RBM27: variants seen among roughly 807,000 people sequenced by gnomAD.
RBM27 encodes RNA binding motif protein 27, also known as RNA-binding protein 27.
In RBM27, 22 loss-of-function variants were observed where a neutral mutation model predicts 135.3. The ratio of observed to expected loss-of-function variants is 0.16; its 90% CI spans 0.12 to 0.23. The LOEUF is 0.23. Ranked by LOEUF, RBM27 falls within the 10% of genes least tolerant of loss-of-function variation. The pLI is 1.00. For missense variants in RBM27, 1,009 were observed against 1,281.0 expected (o/e 0.79, Z 3.24); for synonymous variants, 481 against 442.4 (o/e 1.09, Z -1.10).
chr5:146,271,530 C>A lies in RBM27; in HGVS notation c.2844C>A (p.Ser948=), dbSNP rs751864266. ...ILPVGRGKTM[S]SQGRGRGRGR... is the part of the protein sequence containing the mutation. Reference sequence around the variant, plus strand: ...CTGTGGGTCGAGGAAAGACCATGTCCTCTCAAGGTCGAGGAAGAGGCCGAG... The same window carrying A: ...CTGTGGGTCGAGGAAAGACCATGTCATCTCAAGGTCGAGGAAGAGGCCGAG... Residue 948 remains serine (S), a synonymous_variant, in exon 19 of 21, where the codon TCC becomes TCA. Coordinates refer to ENST00000265271, the MANE Select transcript of RBM27 (RefSeq NM_018989.2). 2.5e-6 allele frequency: 4 copies of A among 1,613,686 alleles called. No homozygotes were observed. The Admixed American group carries it at 6.7e-5, about 27-fold the overall frequency.
chr5:146,287,065 G>T lies in RBM27; in HGVS notation c.*1035G>T, dbSNP rs1759613825. ...TCAGTTCAGTATAGTTACACAGAAG[G>T]GTTTAAAAATGTCTGAAATTCTTTT... On this transcript the variant is annotated 3_prime_UTR_variant, in exon 21 of 21. Coordinates refer to ENST00000265271, the MANE Select transcript of RBM27 (RefSeq NM_018989.2). 2 of 140,020 alleles carry T rather than the reference G, an allele frequency of 1.4e-5. No homozygotes were observed. Among genetic ancestry groups the T allele is most frequent in the African/African-American group, 5.2e-5 (2 of 38,158 alleles). 8.7% of individuals were successfully genotyped at this position (140,020 alleles called of 1,614,324 possible).
At position 146,209,896 on chromosome 5, in the gene RBM27, C is replaced by T. The variant is rs568471743; in HGVS notation, c.59+6072C>T. Among the ~76,000 whole-genome samples the T allele has an allele frequency of 2.6e-5, 4 of 152,244 alleles. No individual in the cohort carries two copies. The South Asian group carries it at 8.3e-4, about 32-fold the overall frequency. On this transcript the variant is annotated intron_variant, in intron 1 of 20. Transcript: ENST00000265271. ...CTACTAACTTAAGAACATATTTGTT[C>T]TTATGTCCTTTGGTCTGCCTTTTAA...
rs148763813 is a variant in RBM27 at position 146,247,819 on chromosome 5, T to C, written c.1280-3892T>C. ...TTTCTGTGTTATAAATATTGATTAG[T>C]GTGTAAAGGTGTTTTCATCCTGATC... On this transcript the variant is annotated intron_variant, in intron 8 of 20. Transcript: ENST00000265271. Among the ~76,000 whole-genome samples the C allele has an allele frequency of 7.3e-4, 111 of 152,328 alleles. 1 individual carries two copies. The highest frequency in any genetic ancestry group is 2.7e-3 in the African/African-American group (111 of 41,578).
At chr5:146,282,771 T>C (rs1274593150) in intron 19 of RBM27, among the ~76,000 whole-genome samples, 1 of 152,214 alleles carries the variant, frequency 6.6e-6, no homozygotes, top group Non-Finnish European at 1.5e-5. Context: ...GTGGAATTGC[T>C]GAGTGAACCC....
At chr5:146,272,863 G>C (rs1758930072) in intron 19 of RBM27, among the ~76,000 whole-genome samples, 1 of 152,178 alleles carries the variant, frequency 6.6e-6, no homozygotes, top group East Asian at 1.9e-4. Flanking sequence ...AAAGTGTCCA[G>C]ATTTGAATGT....
intron 8 of RBM27, among the ~76,000 whole-genome samples, chr5:146,238,066 A>G (rs1390610374): frequency 6.6e-6 from 1 of 152,204 alleles, no homozygotes; most frequent in African/African-American, 2.4e-5. Flanking sequence ...TTTCTAAAGC[A>G]TAAGATGTAT....
chr5:146,217,328 A>G (rs1052229292), intron 1 of RBM27, among the ~76,000 whole-genome samples: 5 of 152,066 alleles, frequency 3.3e-5, no homozygotes, highest in Non-Finnish European at 5.9e-5. Context: ...GACAACAAAA[A>G]AAGTTGTGTT....
chr5:146,237,158 C>T (rs1223504184), intron 7 of RBM27, 140 bp from the exon 8 acceptor site: 24 of 903,082 alleles, frequency 2.7e-5, no homozygotes, highest in East Asian at 1.8e-4. Context: ...AGGCTGGTCT[C>T]GAACTCCTGA....
chr5:146,213,726 C>G (rs1030015758), intron 1 of RBM27, among the ~76,000 whole-genome samples: 1 of 152,090 alleles, frequency 6.6e-6, no homozygotes, highest in African/African-American at 2.4e-5. Flanking sequence ...AGCTTATGTA[C>G]TGGCTCAGCA....
Position 146,254,929 on chromosome 5 carries a change from T to A in RBM27, c.1445-14T>A. 1 of 1,539,658 alleles carries A rather than the reference T, an allele frequency of 6.5e-7. No individual in the cohort carries two copies. The highest frequency in any genetic ancestry group is 2.3e-5 in the East Asian group (1 of 43,486). On this transcript the variant is annotated splice_polypyrimidine_tract_variant and intron_variant, in intron 9 of 20. Coordinates refer to ENST00000265271, the MANE Select transcript of RBM27 (RefSeq NM_018989.2). Reference sequence around the variant, plus strand: ...CTGATTTGTTGTGTGTTTTGTTGCTTTGTTTTCCCTCAGATACATATGAAC... The same window carrying A: ...CTGATTTGTTGTGTGTTTTGTTGCTATGTTTTCCCTCAGATACATATGAAC...
chr5:146,239,119 C>G (rs1264906083), intron 8 of RBM27, among the ~76,000 whole-genome samples: 1 of 152,190 alleles, frequency 6.6e-6, no homozygotes, highest in Admixed American at 6.5e-5. Flanking sequence ...GTAACACCCA[C>G]CTAATACCTA....
intron 1 of RBM27, among the ~76,000 whole-genome samples, chr5:146,216,100 A>G (rs541607644): frequency 6.6e-6 from 1 of 152,248 alleles, no homozygotes; most frequent in South Asian, 2.1e-4. Context: ...TCTGTTGCCC[A>G]TGCTGGAGTG....
intron 2 of RBM27, among the ~76,000 whole-genome samples, chr5:146,221,750 T>A (rs1310690956): frequency 6.6e-6 from 1 of 152,160 alleles, no homozygotes; most frequent in Non-Finnish European, 1.5e-5. Flanking sequence ...ATTTTTAAAT[T>A]TAATTTTAAT....
chr5:146,265,314 T>C (rs1263795243), intron 14 of RBM27, among the ~76,000 whole-genome samples: 1 of 152,058 alleles, frequency 6.6e-6, no homozygotes, highest in Non-Finnish European at 1.5e-5. Context: ...TCAGAATATA[T>C]TAAGTAAAAA....
chr5:146,275,967 C>G (rs1043999511), intron 19 of RBM27, among the ~76,000 whole-genome samples: 2 of 152,106 alleles, frequency 1.3e-5, no homozygotes, highest in Non-Finnish European at 2.9e-5. Flanking sequence ...ATATATTTCT[C>G]TTCTTCTATC....
At chr5:146,247,216 G>T (rs959622449) in intron 8 of RBM27, among the ~76,000 whole-genome samples, 11 of 151,954 alleles carry the variant, frequency 7.2e-5, no homozygotes, top group African/African-American at 2.2e-4. Flanking sequence ...TCAGCTTAAT[G>T]ACATGATTGT....
At chr5:146,273,027 G>A (rs1561565764) in intron 19 of RBM27, among the ~76,000 whole-genome samples, 1 of 152,164 alleles carries the variant, frequency 6.6e-6, no homozygotes, top group African/African-American at 2.4e-5. Context: ...TATTGTGAAG[G>A]CCGCACGAAT....
intron 1 of RBM27, among the ~76,000 whole-genome samples, chr5:146,210,851 G>T (rs886505767): frequency 6.6e-6 from 1 of 152,110 alleles, no homozygotes; most frequent in African/African-American, 2.4e-5. Context: ...GGTGGCTGAG[G>T]CAGGAGAATG....
chr5:146,255,916 C>T (rs1306455165), intron 10 of RBM27, among the ~76,000 whole-genome samples: 4 of 149,758 alleles, frequency 2.7e-5, no homozygotes, highest in East Asian at 2.0e-4. Context: ...AGTGCAGTGG[C>T]GTGATCCTGA....
Sources: gnomAD v4.1 joint callset for allele counts (sites outside exome capture counted in the v4.1 genomes callset) on GRCh38, gnomAD v4.1.1 for gene constraint, MANE v1.5 for transcripts, NCBI Gene and HGNC (gene_info 2026-07-23, HGNC 2026-07-21) for gene names.